GLIS1: variants seen among roughly 807,000 people sequenced by gnomAD.
GLIS1 encodes GLIS family zinc finger 1, also known as zinc finger protein GLIS1.
In GLIS1, 24 loss-of-function variants were observed where a neutral mutation model predicts 63.8. That is an observed-to-expected ratio of 0.38 (90% CI 0.27 to 0.53). The LOEUF (loss-of-function observed/expected upper bound fraction) is 0.53. Ranked by LOEUF, GLIS1 falls within the 20% of genes least tolerant of loss-of-function variation. The pLI is 0.85. For synonymous variants in GLIS1, 450 were observed against 482.5 expected, an observed-to-expected ratio of 0.93 and a Z score of 0.88; for missense variants, 1,036 against 1,074.1, an observed-to-expected ratio of 0.96 and a Z score of 0.50.
At chr1:53,506,832 A>G in intron 10 of GLIS1, 56 bp from the exon 11 acceptor site, 1 of 1,538,936 alleles carries the variant, frequency 6.5e-7, no homozygotes. Context: ...GTGCCTGCGC[A>G]TGCTTCCCAG....
At chr1:53,665,883 C>T (rs181666709) in intron 2 of GLIS1, among the ~76,000 whole-genome samples, 2 of 152,272 alleles carry the variant, frequency 1.3e-5, no homozygotes, top group East Asian at 3.9e-4. Context: ...ACATCGAACG[C>T]CCTGGGGACC....
chr1:53,666,765 G>A (rs1312536978), intron 2 of GLIS1, among the ~76,000 whole-genome samples: 1 of 148,000 alleles, frequency 6.8e-6, no homozygotes, highest in African/African-American at 2.7e-5. Context: ...CTTCCCATCG[G>A]CAGGTCTGTG....
At chr1:53,643,308 A>C (rs1372221011) in intron 2 of GLIS1, among the ~76,000 whole-genome samples, 3 of 152,228 alleles carry the variant, frequency 2.0e-5, no homozygotes. Flanking sequence ...CCTTCAGAGC[A>C]GCAGGAAGAG....
chr1:53,576,881 T>C (rs555379329), intron 4 of GLIS1, among the ~76,000 whole-genome samples: 10 of 152,080 alleles, frequency 6.6e-5, no homozygotes, highest in African/African-American at 2.4e-4. Context: ...GCTTTCAAAC[T>C]GCCCTTTTCT....
chr1:53,657,492 A>G (rs1185042420), intron 2 of GLIS1, among the ~76,000 whole-genome samples: 1 of 152,116 alleles, frequency 6.6e-6, no homozygotes, highest in African/African-American at 2.4e-5. Flanking sequence ...ATGTGGAAGG[A>G]GCACTGTGCC....
chr1:53,626,946 A>T (rs1468026617), intron 2 of GLIS1, among the ~76,000 whole-genome samples: 1 of 152,224 alleles, frequency 6.6e-6, no homozygotes, highest in Non-Finnish European at 1.5e-5. Flanking sequence ...CCTGTGATAA[A>T]TGTGGAAGGG....
chr1:53,637,956 C>G (rs936677149), intron 2 of GLIS1, among the ~76,000 whole-genome samples: 5 of 152,212 alleles, frequency 3.3e-5, no homozygotes, highest in African/African-American at 1.2e-4. Flanking sequence ...GGAGGGCCAT[C>G]AGTGCCAGGG....
At chr1:53,668,474 G>A (rs1016393850) in intron 2 of GLIS1, among the ~76,000 whole-genome samples, 5 of 152,166 alleles carry the variant, frequency 3.3e-5, no homozygotes, top group Non-Finnish European at 5.9e-5. Flanking sequence ...CAATTCTCCT[G>A]TCTCACCCTC....
chr1:53,604,243 T>A (rs1457264661), intron 2 of GLIS1, among the ~76,000 whole-genome samples: 1 of 152,246 alleles, frequency 6.6e-6, no homozygotes, highest in Non-Finnish European at 1.5e-5. Context: ...CAGGTCTGGA[T>A]GACTCTAAGG....
chr1:53,737,509 A>G (rs1646923210), intron 2 of GLIS1, among the ~76,000 whole-genome samples: 1 of 152,252 alleles, frequency 6.6e-6, no homozygotes, highest in South Asian at 2.1e-4. Flanking sequence ...GCCCTCATGT[A>G]TAATAAAATT....
At chr1:53,575,574 C>G (rs2100478954) in intron 4 of GLIS1, among the ~76,000 whole-genome samples, 1 of 152,334 alleles carries the variant, frequency 6.6e-6, no homozygotes, top group East Asian at 1.9e-4. Flanking sequence ...TCAGGGTATC[C>G]ATCCCGTGGT....
chr1:53,625,756 G>C (rs1448386676), intron 2 of GLIS1, among the ~76,000 whole-genome samples: 1 of 152,184 alleles, frequency 6.6e-6, no homozygotes, highest in Non-Finnish European at 1.5e-5. Flanking sequence ...AGAAGAAACT[G>C]TTTCAAACCC....
At chr1:53,547,295 C>A (rs1644711462) in intron 4 of GLIS1, among the ~76,000 whole-genome samples, 1 of 152,262 alleles carries the variant, frequency 6.6e-6, no homozygotes, top group Non-Finnish European at 1.5e-5. Flanking sequence ...AGACTCCCAG[C>A]CCAGTGCCCT....
At chr1:53,567,984 C>G (rs1644950790) in intron 4 of GLIS1, among the ~76,000 whole-genome samples, 1 of 152,220 alleles carries the variant, frequency 6.6e-6, no homozygotes. Context: ...CACACAGAGC[C>G]CCCCTTGGGC....
rs1432902929 is a variant in GLIS1 at position 53,560,139 on chromosome 1, G to A, written c.1321-30187C>T. On this transcript the variant is annotated intron_variant, in intron 4 of 10. Coordinates refer to ENST00000628545, the MANE Select transcript of GLIS1 (RefSeq NM_001367484.1). The surrounding 1 kb of genome is among the most constrained non-coding windows in gnomAD (Gnocchi z 4.4). ...AGGAATTTCTAACCAGGACTCTGCT[G>A]TGGGCAGGGACTGCCTCCTTGATGA... Among the ~76,000 whole-genome samples the A allele has an allele frequency of 2.6e-5, 4 of 152,236 alleles. No homozygotes were observed. The highest frequency in any genetic ancestry group is 5.9e-5 in the Non-Finnish European group (4 of 68,046).
chr1:53,737,169 C>G (rs752663074), intron 2 of GLIS1, among the ~76,000 whole-genome samples: 1 of 152,230 alleles, frequency 6.6e-6, no homozygotes, highest in Non-Finnish European at 1.5e-5. Flanking sequence ...GGGACCCCCA[C>G]CTTCCCGTGG....
intron 4 of GLIS1, among the ~76,000 whole-genome samples, chr1:53,567,964 T>C (rs1449244866): frequency 6.6e-6 from 1 of 152,172 alleles, no homozygotes; most frequent in African/African-American, 2.4e-5. Context: ...AAATGTGGGG[T>C]TGGAGCCCCC....
At chr1:53,538,105 TC>T (rs985865238) in intron 4 of GLIS1, among the ~76,000 whole-genome samples, 23 of 152,206 alleles carry the variant, frequency 1.5e-4, no homozygotes, top group African/African-American at 5.3e-4. Flanking sequence ...TGTCCTGTGC[TC>T]CCCCGTGGGG....
intron 2 of GLIS1, among the ~76,000 whole-genome samples, chr1:53,619,319 C>T (rs1645516928): frequency 6.6e-6 from 1 of 152,234 alleles, no homozygotes; most frequent in Non-Finnish European, 1.5e-5. Context: ...AACTGCAATG[C>T]CCTAAGGATG....
Sources: gnomAD v4.1 joint callset for allele counts (sites outside exome capture counted in the v4.1 genomes callset) on GRCh38, gnomAD v4.1.1 for gene constraint, Gnocchi (gnomAD v3.1) non-coding constraint, MANE v1.5 for transcripts, NCBI Gene and HGNC (gene_info 2026-07-23, HGNC 2026-07-21) for gene names.